Variants in BIN3 observed in about 807,000 individuals in gnomAD.
The protein encoded by BIN3 is bridging integrator 3.
In BIN3, 41 loss-of-function variants were observed where a neutral mutation model predicts 38.2. The observed-to-expected ratio is 1.07, with a 90% CI of 0.84 to 1.39. The LOEUF is 1.39. Among genes scored for constraint, BIN3 ranks in the 40% most tolerant of loss-of-function variants. BIN3 has a pLI of 0.00. For synonymous variants in BIN3, 145 were observed against 122.6 expected (o/e 1.18, Z -1.21); for missense variants, 361 against 324.3 (o/e 1.11, Z -0.87).
intron 1 of BIN3, among the ~76,000 whole-genome samples, chr8:22,651,377 C>G (rs1408098156): frequency 2.0e-5 from 3 of 152,232 alleles, no homozygotes; most frequent in African/African-American, 7.2e-5. Context: ...TGCCTGCTCC[C>G]CAGCCGTGAG....
rs1029815259 is a variant in BIN3, at chr8:22,630,502, C to T, written c.237G>A (p.Leu79=). The change falls in exon 5 of 9, where the codon CTG becomes CTA. Residue 79 remains leucine, a synonymous_variant. Coordinates refer to ENST00000276416, the MANE Select transcript of BIN3 (RefSeq NM_018688.6). ...CCGTGTCCAGGGCCGTCACCATGTTCAGAAGGTCCTGGTCTTGCTCACAGA... is the reference window on the plus strand; with the variant it reads ...CCGTGTCCAGGGCCGTCACCATGTTTAGAAGGTCCTGGTCTTGCTCACAGA... The part of the protein sequence containing the change: ...NPLCEQDQDL[L]NMVTALDTAM... 6 of 1,613,920 alleles carry T rather than the reference C, an allele frequency of 3.7e-6. No homozygotes were observed. The African/African-American group carries it at 8.0e-5, about 22-fold the overall frequency.
chr8:22,630,428 C>T lies in BIN3; in HGVS notation c.297+14G>A. 1.9e-6 allele frequency: 3 copies of T among 1,613,652 alleles called. No homozygotes were observed. The highest frequency in any genetic ancestry group is 2.2e-5 in the East Asian group (1 of 44,888). On this transcript the variant is annotated intron_variant, in intron 5 of 8. Transcript: ENST00000276416. ...GAAGTCATGCTTGCCCACCCCACAC[C>T]AAGACCTAGTCACCTTTTCCTGATT...
Position 22,623,923 on chromosome 8 carries a change from G to C in BIN3, c.607C>G (p.Arg203Gly), listed in dbSNP as rs1281502995. The C allele has an allele frequency of 1.2e-6, 2 of 1,611,650 alleles. No individual in the cohort carries two copies. Among genetic ancestry groups the C allele is most frequent in the Non-Finnish European group, 1.7e-6 (2 of 1,179,280 alleles). Residue 203 changes from arginine to glycine, a missense_variant, in exon 8 of 9, where the codon CGA (arginine) becomes GGA (glycine). Coordinates refer to ENST00000276416, the MANE Select transcript of BIN3 (RefSeq NM_018688.6). ...YFQPSFESLI[R>G]AQVVYYSEMH... ...GCACCTGGCGGCCTCACCTGAGCTC[G>C]GATGAGGGACTCAAAGCTGGGCTGG...
rs13439542 is a variant in BIN3, at chr8:22,620,505, T to C, written c.*917A>G. ...GTGTCCTCCACAGCTCTTCCTACTCTCCTAGGCTTGCCCGCGTGCCCTCCC... is the reference window on the plus strand; with the variant it reads ...GTGTCCTCCACAGCTCTTCCTACTCCCCTAGGCTTGCCCGCGTGCCCTCCC... On this transcript the variant is annotated 3_prime_UTR_variant, in exon 9 of 9. Transcript: ENST00000276416. 17,350 of 144,726 alleles carry C rather than the reference T, an allele frequency of 0.12. 2,199 individuals are homozygous for C. Among genetic ancestry groups the C allele is most frequent in the African/African-American group, 0.32 (12,784 of 39,908 alleles). 9.0% of individuals were successfully genotyped at this position (144,726 alleles called of 1,614,324 possible).
chr8:22,632,076 A>T (rs1010803095), intron 4 of BIN3, among the ~76,000 whole-genome samples: 2 of 152,248 alleles, frequency 1.3e-5, no homozygotes, highest in African/African-American at 4.8e-5. Context: ...GCTCTTCATT[A>T]TAAGTCACTT....
At chr8:22,654,911 C>T (rs1803008372) in intron 1 of BIN3, among the ~76,000 whole-genome samples, 1 of 152,142 alleles carries the variant, frequency 6.6e-6, no homozygotes, top group South Asian at 2.1e-4. Flanking sequence ...AGACTGTTTT[C>T]CAAAGTAATT....
At chr8:22,667,862 C>T (rs1160104955) in intron 1 of BIN3, among the ~76,000 whole-genome samples, 6 of 152,194 alleles carry the variant, frequency 3.9e-5, no homozygotes, top group Non-Finnish European at 5.9e-5. Flanking sequence ...AGAGAAGTAT[C>T]CCTGACACTG....
intron 1 of BIN3, among the ~76,000 whole-genome samples, chr8:22,653,186 TTTG>T (rs1340389370): frequency 3.3e-5 from 5 of 152,204 alleles, no homozygotes; most frequent in East Asian, 1.9e-4. Flanking sequence ...TATTTTGAAT[TTTG>T]TTATCTTTGT....
intron 1 of BIN3, among the ~76,000 whole-genome samples, chr8:22,650,984 T>C (rs2117574358): frequency 6.6e-6 from 1 of 152,300 alleles, no homozygotes; most frequent in East Asian, 1.9e-4. Flanking sequence ...CAGCAGATTG[T>C]TCAGCCTCAG....
At chr8:22,637,074 T>C (rs2117536891) in intron 2 of BIN3, 112 bp from the exon 3 acceptor site, 4 of 923,534 alleles carry the variant, frequency 4.3e-6, no homozygotes, top group Non-Finnish European at 5.2e-6. Flanking sequence ...GAAAACAACA[T>C]GGTCCAGTTC....
At chr8:22,628,564 C>G (rs950325014) in intron 6 of BIN3, among the ~76,000 whole-genome samples, 12 of 152,182 alleles carry the variant, frequency 7.9e-5, no homozygotes, top group Non-Finnish European at 1.5e-4. Context: ...GGTGGGCCAC[C>G]AGGGTGGTGG....
intron 2 of BIN3, among the ~76,000 whole-genome samples, chr8:22,638,744 C>G (rs1238537201): frequency 2.6e-5 from 4 of 152,196 alleles, no homozygotes; most frequent in African/African-American, 7.2e-5. Flanking sequence ...CTTTTCCTTA[C>G]TTTATGATCC....
At chr8:22,629,592 G>T in intron 6 of BIN3, 1 of 266,112 alleles carries the variant, frequency 3.8e-6, no homozygotes. Flanking sequence ...CAAGATGAAA[G>T]GCCTTGCTCA....
At chr8:22,626,164 A>C (rs1056616180) in intron 6 of BIN3, 4 of 152,310 alleles carry the variant, frequency 2.6e-5, no homozygotes, top group Non-Finnish European at 5.9e-5. Context: ...CCTTAGACAT[A>C]GTAATCAAAC....
chr8:22,667,389 G>A (rs973218335), intron 1 of BIN3, among the ~76,000 whole-genome samples: 2 of 152,194 alleles, frequency 1.3e-5, no homozygotes, highest in Non-Finnish European at 2.9e-5. Context: ...AGTTTCTGCT[G>A]TGCTCTTCTC....
Position 22,661,352 on chromosome 8 carries a change from C to CTTTTTTTTTTTTTTTTTT in BIN3, c.8+7674_8+7691dup, listed in dbSNP as rs751194383. On this transcript the variant is annotated intron_variant, in intron 1 of 8. Transcript: ENST00000276416. Reference sequence around the variant, plus strand: ...ATAGTACAATGTTGAATGTATCATTCTTTTTTTTTTTTTTTTTTTTTTTGA... The same window carrying CTTTTTTTTTTTTTTTTTT: ...ATAGTACAATGTTGAATGTATCATTCTTTTTTTTTTTTTTTTTTTTTTTTTTTTTTTTTTTTTTTTTGA... Among the ~76,000 whole-genome samples the CTTTTTTTTTTTTTTTTTT allele has an allele frequency of 5.9e-5, 5 of 84,450 alleles. 1 individual carries two copies. The highest frequency in any genetic ancestry group is 1.0e-4 in the Non-Finnish European group (5 of 48,436). The allele number at this position is 84,450 out of a possible 152,430, so 55.4% of individuals were successfully genotyped here.
At position 22,625,073 on chromosome 8, in the gene BIN3, G is replaced by A. The variant is rs1801962189; in HGVS notation, c.339-710C>T. The stretch of plus-strand genomic sequence containing the variant: ...GGAACCGCCAAAGTTCCAACCAGCT[G>A]CTTCAGGAAAATGCCCTGAGGACCT... On this transcript the variant is annotated intron_variant, in intron 6 of 8. Coordinates refer to ENST00000276416, the MANE Select transcript of BIN3 (RefSeq NM_018688.6). 4 of 433,516 alleles carry A rather than the reference G, an allele frequency of 9.2e-6. 1 individual carries two copies. In the South Asian group the frequency reaches 2.7e-4, roughly 29 times the overall value. The allele number at this position is 433,516 out of a possible 1,614,324, so 26.9% of individuals were successfully genotyped here.
At chr8:22,649,812 AACACACACACACACAC>A (rs571224082) in intron 1 of BIN3, among the ~76,000 whole-genome samples, 7 of 89,160 alleles carry the variant, frequency 7.9e-5, no homozygotes, top group Admixed American at 1.2e-4. Context: ...CGCAAAGGAC[AACACACACACACACAC>A]ACACACACAC....
chr8:22,668,719 T>G lies in BIN3; in HGVS notation c.8+325A>C, dbSNP rs532498393. On this transcript the variant is annotated intron_variant, in intron 1 of 8. Transcript: ENST00000276416. ...CACAGGAGAGAAAGACGACACTGAC[T>G]CCACCTCAATGGGTGTTTAAAAAAG... 1.6e-4 allele frequency among the ~76,000 whole-genome samples: 25 copies of G among 152,250 alleles called. 1 individual carries two copies. The highest frequency in any genetic ancestry group is 1.6e-3 in the Admixed American group (25 of 15,306).
Sources: gnomAD v4.1 joint callset for allele counts (sites outside exome capture counted in the v4.1 genomes callset) on GRCh38, gnomAD v4.1.1 for gene constraint, MANE v1.5 for transcripts, NCBI Gene and HGNC (gene_info 2026-07-23, HGNC 2026-07-21) for gene names.